RBM26: variants seen among roughly 807,000 people sequenced by gnomAD.
RBM26 encodes RNA binding motif protein 26, also known as RNA-binding protein 26.
RBM26 carries 30 observed loss-of-function variants against 123.6 expected under a neutral mutation model. The observed-to-expected ratio is 0.24, with a 90% CI of 0.18 to 0.33. The LOEUF (loss-of-function observed/expected upper bound fraction) is 0.33. Among genes scored for constraint, RBM26 ranks in the 10% least tolerant of loss-of-function variants. The pLI is 1.00. For synonymous variants in RBM26, 400 were observed against 404.4 expected (o/e 0.99, Z 0.13); for missense variants, 947 against 1,203.6 (o/e 0.79, Z 3.15).
chr13:79,327,968 A>G (rs1260296694), intron 20 of RBM26, among the ~76,000 whole-genome samples: 3 of 152,156 alleles, frequency 2.0e-5, no homozygotes, highest in African/African-American at 7.2e-5. Context: ...AACACTAGTA[A>G]TATATACTGG....
intron 1 of RBM26, among the ~76,000 whole-genome samples, chr13:79,391,518 G>C (rs1425069456): frequency 6.6e-6 from 1 of 152,066 alleles, no homozygotes; most frequent in African/African-American, 2.4e-5. Flanking sequence ...CCACCTCCTG[G>C]GTTCAAGCAA....
intron 1 of RBM26, among the ~76,000 whole-genome samples, chr13:79,404,448 C>T (rs2079334400): frequency 6.6e-6 from 1 of 152,188 alleles, no homozygotes; most frequent in African/African-American, 2.4e-5. Flanking sequence ...ACAAAATAGG[C>T]AGAGTTAAAA....
chr13:79,358,650 C>T (rs776533818), intron 10 of RBM26, among the ~76,000 whole-genome samples: 1 of 152,148 alleles, frequency 6.6e-6, no homozygotes, highest in Admixed American at 6.5e-5. Flanking sequence ...GAGAAGGGTT[C>T]TGCCATATCA....
At chr13:79,401,168 C>T (rs548132066) in intron 1 of RBM26, among the ~76,000 whole-genome samples, 5 of 152,072 alleles carry the variant, frequency 3.3e-5, no homozygotes, top group Admixed American at 6.5e-5. Flanking sequence ...CTATCAGACA[C>T]GAACAAAAAT....
chr13:79,386,047 C>A (rs1178237983), intron 1 of RBM26, among the ~76,000 whole-genome samples: 2 of 151,694 alleles, frequency 1.3e-5, no homozygotes, highest in African/African-American at 4.8e-5. Context: ...ATAGGCAGAG[C>A]TCTATGATAA....
intron 19 of RBM26, among the ~76,000 whole-genome samples, 197 bp downstream of exon 19, chr13:79,336,905 T>C (rs2070511756): frequency 6.6e-6 from 1 of 152,234 alleles, no homozygotes; most frequent in South Asian, 2.1e-4. Flanking sequence ...AGTGTAAGAA[T>C]AGTAATGTCT....
exon 5 of RBM26, chr13:79,313,411 C>G (rs1488241058): frequency 6.6e-6 from 1 of 151,706 alleles, no homozygotes; most frequent in Non-Finnish European, 1.5e-5. Context: ...AACAAAAACT[C>G]CAGGATGACA....
At chr13:79,318,831 T>TA (rs1028964320), downstream of RBM26, 2 of 980,816 alleles carry the variant, frequency 2.0e-6, no homozygotes, top group African/African-American at 3.5e-5. Flanking sequence ...CTGTTTGGTG[T>TA]AAAGAGAAGA....
At position 79,319,416 on chromosome 13, in the gene RBM26, G is replaced by C; in HGVS notation, c.*1205C>G. On this transcript the variant is annotated 3_prime_UTR_variant, in exon 22 of 22. Transcript: ENST00000438737. ...GGAAACTGCCATATCAACTTTCAATGATCATGTTCACTTGCAAAAGAAATC... is the reference window on the plus strand; with the variant it reads ...GGAAACTGCCATATCAACTTTCAATCATCATGTTCACTTGCAAAAGAAATC... 1.0e-6 allele frequency: 1 copy of C among 984,326 alleles called. No homozygotes were observed. The highest frequency in any genetic ancestry group is 1.2e-6 in the Non-Finnish European group (1 of 829,268). The allele number at this position is 984,326 out of a possible 1,614,324, so 61.0% of individuals were successfully genotyped here.
chr13:79,313,905 T>C (rs2066974913), downstream of RBM26: 1 of 149,432 alleles, frequency 6.7e-6, no homozygotes, highest in African/African-American at 2.4e-5. Context: ...AAAGGTAGTA[T>C]GGCTGGATAA....
At chr13:79,388,530 G>A (rs925970776) in intron 1 of RBM26, among the ~76,000 whole-genome samples, 2 of 152,290 alleles carry the variant, frequency 1.3e-5, no homozygotes, top group East Asian at 3.9e-4. Flanking sequence ...AACCCACAGA[G>A]GCTAGGTGGA....
intron 1 of RBM26, among the ~76,000 whole-genome samples, chr13:79,401,909 AT>A (rs1432467547): frequency 6.6e-6 from 1 of 152,098 alleles, no homozygotes; most frequent in Non-Finnish European, 1.5e-5. Flanking sequence ...AACACTAGGC[AT>A]TTTGTTCTTT....
intron 14 of RBM26, 40 bp from the exon 15 acceptor site, chr13:79,344,834 C>G: frequency 6.3e-7 from 1 of 1,591,324 alleles, no homozygotes; most frequent in Non-Finnish European, 8.6e-7. Context: ...ATATATCAGC[C>G]GTTCATGATA....
intron 20 of RBM26, among the ~76,000 whole-genome samples, chr13:79,328,246 GT>G: frequency 6.6e-6 from 1 of 152,150 alleles, no homozygotes; most frequent in South Asian, 2.1e-4. Context: ...AAACTACTGA[GT>G]TTAGAAAGCT....
chr13:79,323,398 G>A (rs2067935684), intron 20 of RBM26, among the ~76,000 whole-genome samples: 1 of 151,478 alleles, frequency 6.6e-6, no homozygotes, highest in South Asian at 2.1e-4. Context: ...ATAAATTTAT[G>A]ATAAATTTAA....
At chr13:79,383,708 C>T (rs1339655703) in intron 1 of RBM26, among the ~76,000 whole-genome samples, 1 of 151,806 alleles carries the variant, frequency 6.6e-6, no homozygotes, top group Non-Finnish European at 1.5e-5. Context: ...CACAAACATA[C>T]GTTTATAGTA....
chr13:79,344,977 A>G (rs138096385), intron 14 of RBM26, among the ~76,000 whole-genome samples, 183 bp from the exon 15 acceptor site: 66 of 152,300 alleles, frequency 4.3e-4, no homozygotes, highest in African/African-American at 1.5e-3. Flanking sequence ...AGTATAAATA[A>G]TAAGCTCTAA....
chr13:79,402,286 T>C (rs1192018931), intron 1 of RBM26, among the ~76,000 whole-genome samples: 2 of 152,138 alleles, frequency 1.3e-5, no homozygotes, highest in Non-Finnish European at 2.9e-5. Context: ...ACAATTTTAA[T>C]AAAGTTCAAA....
chr13:79,348,505 T>C (rs533096166), intron 14 of RBM26, among the ~76,000 whole-genome samples: 95 of 152,260 alleles, frequency 6.2e-4, no homozygotes, highest in African/African-American at 2.2e-3. Context: ...AGTATGATTT[T>C]TCAATAACCA....
Sources: allele counts gnomAD v4.1 joint callset (sites outside exome capture counted in the v4.1 genomes callset), GRCh38; gene constraint gnomAD v4.1.1; transcripts MANE v1.5; gene names NCBI Gene and HGNC (gene_info 2026-07-23, HGNC 2026-07-21).